The following PPEF2 variants were observed in gnomAD, a reference collection of about 807,000 sequenced individuals.
PPEF2 encodes the protein protein phosphatase with EF-hand domain 2, also known as serine/threonine-protein phosphatase with EF-hands 2.
A neutral mutation model predicts 84.7 loss-of-function variants in PPEF2; 84 were observed. The ratio of observed to expected loss-of-function variants is 0.99; its 90% CI spans 0.83 to 1.19. The LOEUF (loss-of-function observed/expected upper bound fraction) is 1.19. Ranked by LOEUF, PPEF2 falls within the 50% of genes most tolerant of loss-of-function variation. The pLI is 0.00. For missense variants in PPEF2, 924 were observed against 937.5 expected, an observed-to-expected ratio of 0.99 and a Z score of 0.19; for synonymous variants, 346 against 345.2, an observed-to-expected ratio of 1.00 and a Z score of -0.03.
chr4:75,873,354 A>T, intron 11 of PPEF2, 42 bp from the exon 12 acceptor site: 1 of 1,524,654 alleles, frequency 6.6e-7, no homozygotes, highest in Non-Finnish European at 8.9e-7. Flanking sequence ...AAAACTAGAT[A>T]CATATTCATC....
intron 2 of PPEF2, among the ~76,000 whole-genome samples, chr4:75,895,343 C>T (rs55738856): frequency 0.13 from 19,961 of 151,600 alleles, 1,460 homozygotes; most frequent in Non-Finnish European, 0.18. Flanking sequence ...GCAGGAGAAT[C>T]GCTTGAACCC....
chr4:75,876,417 T>G lies in PPEF2; in HGVS notation c.1190A>C (p.Glu397Ala), dbSNP rs774710548. 3.1e-6 allele frequency: 5 copies of G among 1,613,984 alleles called. No individual in the cohort carries two copies. Among genetic ancestry groups the G allele is most frequent in the African/African-American group, 1.3e-5 (1 of 74,928 alleles). ...SRQVRSSVELELERCRQQAGL... is the reference protein window; with the variant it reads ...SRQVRSSVELALERCRQQAGL... The stretch of plus-strand genomic sequence containing the variant: ...TGCTTGCTGCCGGCACCGCTCTAGC[T>G]CCAGTTCCACGGAGCTCCGCACCTG... The change falls in exon 11 of 17, where the codon GAG (glutamate) becomes GCG (alanine). Residue 397 changes from glutamate to alanine, a missense_variant. Glu to Ala is a moderately radical substitution (Grantham distance 107). Coordinates refer to ENST00000286719, the MANE Select transcript of PPEF2 (RefSeq NM_006239.3).
Position 75,872,142 on chromosome 4 carries a change from T to C in PPEF2, c.1532A>G (p.Asn511Ser). Residue 511 changes from asparagine (N) to serine (S), a missense_variant, in exon 13 of 17, where the codon AAC (asparagine) becomes AGC (serine). Transcript: ENST00000286719. Reference sequence around the variant, plus strand: ...TCTGTTGCTGCCAACTTCATAGTAGTTGGAGGCAGAAAAGATTGTTAATAC... The same window carrying C: ...TCTGTTGCTGCCAACTTCATAGTAGCTGGAGGCAGAAAAGATTGTTAATAC... ...RKVLTIFSAS[N>S]YYEVGSNRGA... is the part of the protein sequence containing the mutation. 1 of 1,613,780 alleles carries C rather than the reference T, an allele frequency of 6.2e-7. No homozygotes were observed. The highest frequency in any genetic ancestry group is 2.2e-5 in the East Asian group (1 of 44,868).
chr4:75,860,850 T>G lies in PPEF2; in HGVS notation c.2079A>C (p.Thr693=). The G allele has an allele frequency of 6.2e-7, 1 of 1,614,256 alleles. No individual in the cohort carries two copies. Among genetic ancestry groups the G allele is most frequent in the Non-Finnish European group, 8.5e-7 (1 of 1,180,032 alleles). ...GAGCAAGGTCACAGATGCAGTCATCTGTAATGTCGATATTCATGTGAGAGC... is the reference window on the plus strand; with the variant it reads ...GAGCAAGGTCACAGATGCAGTCATCGGTAATGTCGATATTCATGTGAGAGC... The part of the protein sequence containing the change: ...LFSSHMNIDI[T]DDCICDLARS... The change falls in exon 17 of 17, where the codon ACA becomes ACC. Residue 693 remains threonine, a synonymous_variant. Coordinates refer to ENST00000286719, the MANE Select transcript of PPEF2 (RefSeq NM_006239.3).
intron 8 of PPEF2, 79 bp from the exon 9 acceptor site, chr4:75,883,281 G>A: frequency 1.5e-6 from 2 of 1,319,824 alleles, no homozygotes; most frequent in Non-Finnish European, 2.2e-6. Flanking sequence ...TTAGAAGAAT[G>A]CATATTCTGG....
chr4:75,860,780 A>G lies in PPEF2; in HGVS notation c.2149T>C (p.Phe717Leu). 1 of 1,614,216 alleles carries G rather than the reference A, an allele frequency of 6.2e-7. No homozygotes were observed. Among genetic ancestry groups the G allele is most frequent in the Non-Finnish European group, 8.5e-7 (1 of 1,180,020 alleles). ...TCCACAAGGCGGAAGGCCTCCAGGA[A>G]CTCATTGATATCAATGTGGCCATCT... The part of the protein sequence containing the change: ...NKDGHIDINE[F>L]LEAFRLVEKS... The change falls in exon 17 of 17, where the codon TTC becomes CTC. Residue 717 changes from phenylalanine (F) to leucine (L), a missense_variant. Physicochemically the swap from Phe to Leu is conservative, Grantham distance 22 (BLOSUM62 0). Coordinates refer to ENST00000286719, the MANE Select transcript of PPEF2 (RefSeq NM_006239.3).
intron 10 of PPEF2, among the ~76,000 whole-genome samples, chr4:75,877,252 G>T (rs1226437104): frequency 6.6e-6 from 1 of 151,730 alleles, no homozygotes; most frequent in Admixed American, 6.6e-5. Context: ...CAGGGGAATT[G>T]CTTGAACCCG....
chr4:75,863,297 C>G (rs1724049039), intron 16 of PPEF2, among the ~76,000 whole-genome samples: 1 of 150,114 alleles, frequency 6.7e-6, no homozygotes, highest in African/African-American at 2.5e-5. Context: ...CGAGACCATC[C>G]TGGCTAACAT....
chr4:75,877,557 AG>A (rs1318500131), intron 10 of PPEF2, among the ~76,000 whole-genome samples: 1 of 152,148 alleles, frequency 6.6e-6, no homozygotes, highest in Non-Finnish European at 1.5e-5. Flanking sequence ...GCCTGGGACA[AG>A]GTAAGTACAG....
At chr4:75,876,981 C>T (rs901164415) in intron 10 of PPEF2, among the ~76,000 whole-genome samples, 1 of 15,140 alleles carries the variant, frequency 6.6e-5, no homozygotes, top group African/African-American at 8.4e-5. Flanking sequence ...GCACTCCAGC[C>T]TGAGCAACAG....
Position 75,870,804 on chromosome 4 carries a change from C to T in PPEF2, c.1649+1221G>A, listed in dbSNP as rs1012993354. On this transcript the variant is annotated intron_variant, in intron 13 of 16. Coordinates refer to ENST00000286719, the MANE Select transcript of PPEF2 (RefSeq NM_006239.3). ...GTTGCATAAATTTACTGTGAGGCTA[C>T]CCATATAAATTCTTTATAACATTTT... Among the ~76,000 whole-genome samples, 13 of 152,198 alleles carry T rather than the reference C, an allele frequency of 8.5e-5. 1 individual carries two copies. The highest frequency in any genetic ancestry group is 7.2e-4 in the Admixed American group (11 of 15,290).
In PPEF2 at chr4:75,876,553, G is replaced by A. The variant is rs901198160; in HGVS notation, c.1054C>T (p.Arg352Cys). 7 of 1,613,996 alleles carry A rather than the reference G, an allele frequency of 4.3e-6. No individual in the cohort carries two copies. The highest frequency in any genetic ancestry group is 1.1e-5 in the South Asian group (1 of 91,058). Residue 352 changes from arginine (R) to cysteine (C), a missense_variant, in exon 11 of 17, where the codon CGC becomes TGC. Physicochemically the swap from Arg to Cys is radical, Grantham distance 180. Coordinates refer to ENST00000286719, the MANE Select transcript of PPEF2 (RefSeq NM_006239.3). ...GPIPWFLPESRSLPSSPLRLG... is the reference protein window; with the variant it reads ...GPIPWFLPESCSLPSSPLRLG... ...CGAAGGGGCGAAGAGGGAAGAGAGC[G>A]GCTTTCGGGGAGAAACCATGGGATG...
At chr4:75,869,563 C>T (rs1724215598) in intron 13 of PPEF2, among the ~76,000 whole-genome samples, 1 of 152,016 alleles carries the variant, frequency 6.6e-6, no homozygotes, top group Admixed American at 6.6e-5. Flanking sequence ...AGCATGTTAT[C>T]AGGCCAGGCA....
At chr4:75,881,538 C>T (rs1332874090) in intron 10 of PPEF2, 2 of 152,190 alleles carry the variant, frequency 1.3e-5, no homozygotes, top group Admixed American at 6.5e-5. Flanking sequence ...GTACCACACT[C>T]CAGTCTGGAT....
Position 75,860,274 on chromosome 4 carries a change from G to A in PPEF2, c.*393C>T, listed in dbSNP as rs370687162. On this transcript the variant is annotated 3_prime_UTR_variant, in exon 17 of 17. Transcript: ENST00000286719. ...GAGGCAGGAGAATCGCCTGGGAGGC[G>A]GACTTTGCGGTGAGCCGAGATCGCG... 8.9e-5 allele frequency: 17 copies of A among 190,546 alleles called. No homozygotes were observed. The highest frequency in any genetic ancestry group is 2.8e-4 in the African/African-American group (12 of 42,270). 11.8% of individuals were successfully genotyped at this position (190,546 alleles called of 1,614,324 possible). A position where few individuals can be genotyped will look rare whatever the true frequency, so the allele number is the denominator to read the frequency against.
intron 13 of PPEF2, among the ~76,000 whole-genome samples, chr4:75,868,851 T>C (rs2047980): frequency 0.99 from 150,942 of 152,248 alleles, 74,838 homozygotes; most frequent in Middle Eastern, 1. Flanking sequence ...CAAAAAAAAC[T>C]TTTAAAAATT....
intron 2 of PPEF2, among the ~76,000 whole-genome samples, chr4:75,892,562 CA>C (rs1724915854): frequency 1.3e-5 from 2 of 152,208 alleles, no homozygotes; most frequent in African/African-American, 2.4e-5. Context: ...CATACGATGT[CA>C]GGGGGTAGCA....
intron 10 of PPEF2, among the ~76,000 whole-genome samples, chr4:75,879,837 TA>T: frequency 3.1e-5 from 1 of 32,526 alleles, no homozygotes. Context: ...TATTTACTTT[TA>T]TTTTTTTTTT....
intron 10 of PPEF2, 138 bp downstream of exon 10, chr4:75,882,788 C>G: frequency 2.2e-5 from 20 of 916,464 alleles, no homozygotes; most frequent in Middle Eastern, 2.6e-4. Context: ...ACACTGTGCC[C>G]AGCCTCCATA....
Sources: allele counts gnomAD v4.1 joint callset (sites outside exome capture counted in the v4.1 genomes callset), GRCh38; gene constraint gnomAD v4.1.1; transcripts MANE v1.5; gene names NCBI Gene and HGNC (gene_info 2026-07-23, HGNC 2026-07-21).